Variants in SGMS1 observed in about 807,000 individuals in gnomAD.
The protein encoded by SGMS1 is phosphatidylcholine:ceramide cholinephosphotransferase 1.
In SGMS1, 13 loss-of-function variants were observed where a neutral mutation model predicts 46.2. The ratio of observed to expected loss-of-function variants is 0.28; its 90% CI spans 0.18 to 0.45. The LOEUF (loss-of-function observed/expected upper bound fraction) is 0.45, where lower values mean the gene tolerates loss of function less well. Ranked by LOEUF, SGMS1 falls within the 20% of genes least tolerant of loss-of-function variation. The probability of loss-of-function intolerance (pLI) is 1.00; values close to 1 mark genes in which losing one functional copy is unlikely to be tolerated. For synonymous variants in SGMS1, 203 were observed against 187.8 expected, an observed-to-expected ratio of 1.08 and a Z score of -0.66; for missense variants, 324 against 519.9, an observed-to-expected ratio of 0.62 and a Z score of 3.66.
intron 5 of SGMS1, among the ~76,000 whole-genome samples, chr10:50,441,057 C>T (rs924534636): frequency 5.9e-5 from 9 of 152,198 alleles, no homozygotes; most frequent in African/African-American, 7.2e-5. Context: ...GTTCGGCAAA[C>T]GACATTGCAT....
intron 2 of SGMS1, among the ~76,000 whole-genome samples, chr10:50,572,320 T>C (rs1838343470): frequency 6.6e-6 from 1 of 152,124 alleles, no homozygotes; most frequent in South Asian, 2.1e-4. Flanking sequence ...CGCCCTCCTT[T>C]TGTGAGGGAA....
intron 6 of SGMS1, among the ~76,000 whole-genome samples, chr10:50,365,880 C>T (rs1357934530): frequency 6.6e-6 from 1 of 152,112 alleles, no homozygotes; most frequent in African/African-American, 2.4e-5. Flanking sequence ...GTAAATGGTA[C>T]TGCAATAAAC....
chr10:50,394,855 T>C (rs1020257925), intron 6 of SGMS1, among the ~76,000 whole-genome samples: 2 of 152,224 alleles, frequency 1.3e-5, no homozygotes, highest in Admixed American at 1.3e-4. Context: ...TTTCTGCCTA[T>C]CTAAAAAGTA....
rs187071659 is a variant in SGMS1 at position 50,348,341 on chromosome 10, A to C, written c.-231-3996T>G. ...GGCAATAAGGCAAGAGAAAGAAATA[A>C]AGCGCATTCAAATAGGAAGAGAGTA... On this transcript the variant is annotated intron_variant, in intron 6 of 10. Coordinates refer to ENST00000361781, the MANE Select transcript of SGMS1 (RefSeq NM_147156.4). Among the ~76,000 whole-genome samples the C allele has an allele frequency of 2.8e-3, 420 of 152,312 alleles. 3 individuals carry two copies. The highest frequency in any genetic ancestry group is 8.9e-3 in the South Asian group (43 of 4,812).
intron 1 of SGMS1, among the ~76,000 whole-genome samples, chr10:50,611,546 T>C (rs1294292731): frequency 6.6e-6 from 1 of 152,226 alleles, no homozygotes; most frequent in Non-Finnish European, 1.5e-5. Context: ...ATTGCATTAC[T>C]ACCTCACCAG....
At chr10:50,502,321 A>AAC (rs1421323734) in intron 3 of SGMS1, among the ~76,000 whole-genome samples, 1 of 151,442 alleles carries the variant, frequency 6.6e-6, no homozygotes, top group South Asian at 2.1e-4. Flanking sequence ...AAAAAAAAAA[A>AAC]AACCAGCACA....
At chr10:50,392,470 C>T (rs1212914304) in intron 6 of SGMS1, among the ~76,000 whole-genome samples, 2 of 152,072 alleles carry the variant, frequency 1.3e-5, no homozygotes, top group East Asian at 1.9e-4. Flanking sequence ...TACAAGGTCG[C>T]GAGGTAGCAG....
At chr10:50,466,406 G>A (rs761683068) in intron 4 of SGMS1, among the ~76,000 whole-genome samples, 2 of 152,018 alleles carry the variant, frequency 1.3e-5, no homozygotes, top group Non-Finnish European at 2.9e-5. Context: ...GATCTTCAAT[G>A]TTCATCTACA....
At chr10:50,443,459 T>A (rs955982642) in intron 5 of SGMS1, among the ~76,000 whole-genome samples, 1 of 151,962 alleles carries the variant, frequency 6.6e-6, no homozygotes, top group African/African-American at 2.4e-5. Flanking sequence ...AGACATCTCA[T>A]TCGAAACAGG....
At chr10:50,324,891 G>T (rs1182050669) in intron 8 of SGMS1, among the ~76,000 whole-genome samples, 1 of 152,150 alleles carries the variant, frequency 6.6e-6, no homozygotes, top group African/African-American at 2.4e-5. Context: ...GACTGCTTTA[G>T]AATTATAGAC....
At chr10:50,558,133 A>T (rs1838203745) in intron 2 of SGMS1, among the ~76,000 whole-genome samples, 1 of 152,208 alleles carries the variant, frequency 6.6e-6, no homozygotes, top group Non-Finnish European at 1.5e-5. Flanking sequence ...AGCCAAAAGC[A>T]AACCAGATCC....
chr10:50,620,572 C>T (rs1037051159), intron 1 of SGMS1, among the ~76,000 whole-genome samples: 17 of 152,204 alleles, frequency 1.1e-4, no homozygotes, highest in African/African-American at 4.1e-4. Context: ...ATTCTTCTGA[C>T]AGGATTGCTT....
Position 50,307,050 on chromosome 10 carries a change from T to G in SGMS1, c.*92A>C. The G allele has an allele frequency of 8.1e-7, 1 of 1,229,718 alleles. No homozygotes were observed. Among genetic ancestry groups the G allele is most frequent in the Non-Finnish European group, 1.1e-6 (1 of 885,246 alleles). The allele number at this position is 1,229,718 out of a possible 1,614,324, so 76.2% of individuals were successfully genotyped here. The stretch of plus-strand genomic sequence containing the variant: ...AGTCAAGGTAACCATTGAAAGATAA[T>G]AGGATTAGGGAGGTGTTTATTTTAT... On this transcript the variant is annotated 3_prime_UTR_variant, in exon 11 of 11. Transcript: ENST00000361781. This position sits in a 1 kb window ranked among gnomAD's most constrained non-coding sequence, Gnocchi z 4.2.
intron 6 of SGMS1, among the ~76,000 whole-genome samples, chr10:50,370,078 A>G (rs1485657820): frequency 6.6e-6 from 1 of 152,210 alleles, no homozygotes; most frequent in African/African-American, 2.4e-5. Flanking sequence ...GGCACTTACC[A>G]TGAATGGAGC....
chr10:50,499,292 T>G (rs1837641738), intron 3 of SGMS1, among the ~76,000 whole-genome samples: 1 of 152,194 alleles, frequency 6.6e-6, no homozygotes, highest in Non-Finnish European at 1.5e-5. Context: ...GCTATGAATA[T>G]CCATTTCTTA....
chr10:50,476,097 CAAAAAAAAAAA>C (rs58641986), intron 3 of SGMS1, among the ~76,000 whole-genome samples: 86 of 43,326 alleles, frequency 2.0e-3, no homozygotes, highest in African/African-American at 6.4e-3. Context: ...ACTAAAAATA[CAAAAAAAAAAA>C]AAAAAAAAAA....
intron 2 of SGMS1, among the ~76,000 whole-genome samples, chr10:50,543,532 C>CTGGGG (rs1249446215): frequency 6.6e-6 from 1 of 152,220 alleles, no homozygotes; most frequent in Non-Finnish European, 1.5e-5. Flanking sequence ...TCTGTAGGAA[C>CTGGGG]TGGGGCCTGC....
At chr10:50,318,300 T>G (rs1017957280) in intron 8 of SGMS1, among the ~76,000 whole-genome samples, 1 of 152,326 alleles carries the variant, frequency 6.6e-6, no homozygotes, top group South Asian at 2.1e-4. Flanking sequence ...TGGGCTACCA[T>G]GCAGGTGGCT....
intron 2 of SGMS1, among the ~76,000 whole-genome samples, chr10:50,574,380 T>C (rs1838361903): frequency 6.6e-6 from 1 of 151,934 alleles, no homozygotes; most frequent in South Asian, 2.1e-4. Flanking sequence ...AGCCAAGAGG[T>C]TTATGACCAA....
Sources: allele counts gnomAD v4.1 joint callset (sites outside exome capture counted in the v4.1 genomes callset), GRCh38; gene constraint gnomAD v4.1.1; non-coding constraint Gnocchi (gnomAD v3.1); transcripts MANE v1.5; gene names NCBI Gene and HGNC (gene_info 2026-07-23, HGNC 2026-07-21).